Variants in PITHD1 observed in about 807,000 individuals in gnomAD.
PITHD1 encodes PITH domain containing 1, also known as PITH domain-containing protein 1.
PITHD1 carries 8 observed loss-of-function variants against 27.5 expected under a neutral mutation model. The observed-to-expected ratio is 0.29, with a 90% confidence interval of 0.17 to 0.52. The LOEUF is 0.52. Ranked by LOEUF, PITHD1 falls within the 20% of genes least tolerant of loss-of-function variation. The probability of loss-of-function intolerance (pLI) is 0.96; values close to 1 mark genes in which losing one functional copy is unlikely to be tolerated. For missense variants in PITHD1, 233 were observed against 283.9 expected (o/e 0.82, Z 1.29); for synonymous variants, 118 against 106.8 (o/e 1.10, Z -0.64).
intron 4 of PITHD1, among the ~76,000 whole-genome samples, chr1:23,786,040 G>A (rs933296851): frequency 2.6e-5 from 4 of 152,220 alleles, no homozygotes; most frequent in African/African-American, 9.6e-5. Context: ...AACACTAAAT[G>A]TGCTTTAGAA....
intron 3 of PITHD1, 136 bp downstream of exon 3, chr1:23,780,077 A>G: frequency 1.6e-6 from 1 of 635,464 alleles, no homozygotes. Context: ...TCCTGTTCTC[A>G]TTCTGCATTG....
intron 3 of PITHD1, among the ~76,000 whole-genome samples, chr1:23,781,060 C>G (rs190213496): frequency 6.7e-6 from 1 of 148,640 alleles, no homozygotes; most frequent in Admixed American, 6.7e-5. Context: ...TGGTGGCACA[C>G]GCCTGTAATC....
In PITHD1 at chr1:23,785,344, T is replaced by C. The variant is rs1638666686; in HGVS notation, c.321-331T>C. ...CCTGTCTTTACTAAAAGTACCAAAA[T>C]TTGCCGGGCATGGTGGCGTACGCCT... On this transcript the variant is annotated intron_variant, in intron 3 of 5. Coordinates refer to ENST00000246151, the MANE Select transcript of PITHD1 (RefSeq NM_020362.5). The C allele has an allele frequency of 1.7e-5, 3 of 179,502 alleles. No individual in the cohort carries two copies. The South Asian group carries it at 3.3e-4, about 20-fold the overall frequency. The allele number at this position is 179,502 out of a possible 1,614,324, so 11.1% of individuals were successfully genotyped here. A position where few individuals can be genotyped will look rare whatever the true frequency, so the allele number is the denominator to read the frequency against.
intron 1 of PITHD1, 77 bp from the exon 2 acceptor site, chr1:23,779,360 AG>A: frequency 9.4e-7 from 1 of 1,067,638 alleles, no homozygotes; most frequent in Middle Eastern, 2.0e-4. Flanking sequence ...GTTGTAGAGC[AG>A]GGTGGGAGAT....
chr1:23,785,033 C>T (rs1638662604), intron 3 of PITHD1, among the ~76,000 whole-genome samples: 1 of 152,140 alleles, frequency 6.6e-6, no homozygotes, highest in Non-Finnish European at 1.5e-5. Flanking sequence ...TTAATAACAT[C>T]CTCAGTTTGG....
chr1:23,782,423 GAAA>G (rs796360932), intron 3 of PITHD1, among the ~76,000 whole-genome samples: 6 of 129,550 alleles, frequency 4.6e-5, no homozygotes, highest in African/African-American at 1.1e-4. Flanking sequence ...TGTCTCAAAA[GAAA>G]AAAAAAAAAG....
At chr1:23,786,221 T>C in intron 4 of PITHD1, 94 bp from the exon 5 acceptor site, 3 of 585,058 alleles carry the variant, frequency 5.1e-6, no homozygotes, top group Non-Finnish European at 9.3e-6. Context: ...GCCTGGCTTT[T>C]ACAAGCTGGA....
In PITHD1 at chr1:23,786,443, G is replaced by GT; in HGVS notation, c.534+24dup. ...ACTGAGGTAAGATGGGGTTGGAAAG[G>GT]TTTTCCCCTCATGTCTACATATCTG... is the stretch of plus-strand genomic sequence containing the variant. On this transcript the variant is annotated intron_variant, in intron 5 of 5. Coordinates refer to ENST00000246151, the MANE Select transcript of PITHD1 (RefSeq NM_020362.5). 7.9e-7 allele frequency: 1 copy of GT among 1,265,196 alleles called. No individual in the cohort carries two copies. The highest frequency in any genetic ancestry group is 1.1e-6 in the Non-Finnish European group (1 of 869,792). 78.4% of individuals were successfully genotyped at this position (1,265,196 alleles called of 1,614,324 possible).
Position 23,786,432 on chromosome 1 carries a change from G to C in PITHD1, c.534+9G>C. ...GAGGAGAGTGGACTGAGGTAAGATG[G>C]GGTTGGAAAGGTTTTCCCCTCATGT... On this transcript the variant is annotated intron_variant, in intron 5 of 5. Coordinates refer to ENST00000246151, the MANE Select transcript of PITHD1 (RefSeq NM_020362.5). 7.1e-7 allele frequency: 1 copy of C among 1,404,302 alleles called. No individual in the cohort carries two copies. The highest frequency in any genetic ancestry group is 1.0e-6 in the Non-Finnish European group (1 of 995,960). 87.0% of individuals were successfully genotyped at this position (1,404,302 alleles called of 1,614,324 possible).
chr1:23,780,024 T>TC, intron 3 of PITHD1, 83 bp downstream of exon 3: 1 of 896,672 alleles, frequency 1.1e-6, no homozygotes, highest in Non-Finnish European at 1.8e-6. Context: ...AGTATCATTT[T>TC]CTTCTTACCG....
chr1:23,783,256 C>T (rs751471379), intron 3 of PITHD1, among the ~76,000 whole-genome samples: 5 of 150,850 alleles, frequency 3.3e-5, no homozygotes, highest in African/African-American at 4.9e-5. Context: ...CTCAGCCTCC[C>T]GAAGTGCTGG....
intron 1 of PITHD1, 44 bp downstream of exon 1, chr1:23,778,757 G>A (rs1429355299): frequency 8.9e-7 from 1 of 1,123,234 alleles, no homozygotes; most frequent in Non-Finnish European, 1.1e-6. Flanking sequence ...GGGTGCGTGT[G>A]GGGCCTCGGG....
At chr1:23,783,128 C>T (rs1053688116) in intron 3 of PITHD1, among the ~76,000 whole-genome samples, 3 of 151,382 alleles carry the variant, frequency 2.0e-5, no homozygotes, top group African/African-American at 7.3e-5. Flanking sequence ...TCCTGAGTAG[C>T]GGGGACTACA....
At chr1:23,783,855 A>G (rs1296916343) in intron 3 of PITHD1, among the ~76,000 whole-genome samples, 3 of 152,220 alleles carry the variant, frequency 2.0e-5, no homozygotes, top group Admixed American at 2.0e-4. Context: ...CAAAATGTTG[A>G]TCATCGAAGA....
At chr1:23,780,931 G>A (rs900264005) in intron 3 of PITHD1, among the ~76,000 whole-genome samples, 1 of 151,914 alleles carries the variant, frequency 6.6e-6, no homozygotes, top group Non-Finnish European at 1.5e-5. Flanking sequence ...GCCGAGCATG[G>A]TGGTTCACAC....
intron 3 of PITHD1, among the ~76,000 whole-genome samples, chr1:23,784,288 T>G (rs1326824070): frequency 1.5e-5 from 2 of 135,966 alleles, no homozygotes; most frequent in Non-Finnish European, 3.1e-5. Flanking sequence ...TTGCCCAGGC[T>G]GGAGTGCAGT....
At chr1:23,778,889 T>C (rs1246655969) in intron 1 of PITHD1, among the ~76,000 whole-genome samples, 176 bp downstream of exon 1, 1 of 152,092 alleles carries the variant, frequency 6.6e-6, no homozygotes, top group Non-Finnish European at 1.5e-5. Flanking sequence ...ATTTTGCATA[T>C]AGGGAAACTG....
At chr1:23,784,536 G>A (rs765554774) in intron 3 of PITHD1, among the ~76,000 whole-genome samples, 60 of 152,076 alleles carry the variant, frequency 3.9e-4, no homozygotes, top group Non-Finnish European at 7.6e-4. Context: ...CACTGCGCCC[G>A]GCGGCTTTCT....
intron 3 of PITHD1, among the ~76,000 whole-genome samples, chr1:23,782,350 C>T (rs1425935059): frequency 1.3e-5 from 2 of 151,432 alleles, no homozygotes; most frequent in East Asian, 1.9e-4. Flanking sequence ...ACCCGGGAGG[C>T]GGAGGTTGCA....
Sources: gnomAD v4.1 joint callset for allele counts (sites outside exome capture counted in the v4.1 genomes callset) on GRCh38, gnomAD v4.1.1 for gene constraint, MANE v1.5 for transcripts, NCBI Gene and HGNC (gene_info 2026-07-23, HGNC 2026-07-21) for gene names.